EML3: variants seen among roughly 807,000 people sequenced by gnomAD.
EML3 encodes the protein EMAP like 3.
In EML3, 53 loss-of-function variants were observed where a neutral mutation model predicts 106.7. That is an observed-to-expected ratio of 0.50 (90% CI 0.40 to 0.62). The LOEUF is 0.62. Among genes scored for constraint, EML3 ranks in the 20% least tolerant of loss-of-function variants. The probability of loss-of-function intolerance (pLI) is 0.00; values close to 1 mark genes in which losing one functional copy is unlikely to be tolerated. For synonymous variants in EML3, 499 were observed against 489.6 expected (o/e 1.02, Z -0.25); for missense variants, 994 against 1,209.1 (o/e 0.82, Z 2.64).
chr11:62,611,647 C>T, intron 1 of EML3, 51 bp from the exon 2 acceptor site: 1 of 1,555,496 alleles, frequency 6.4e-7, no homozygotes, highest in Non-Finnish European at 8.7e-7. Context: ...CTGAAGAAAG[C>T]GTAGAGGGGA....
rs1942553448 is a variant in EML3 at position 62,606,953 on chromosome 11, C to T, written c.1504+5G>A. On this transcript the variant is annotated splice_donor_5th_base_variant and intron_variant, in intron 12 of 21. Transcript: ENST00000394773. ...ACTTCCCAGATGCCCCTCCCAGCCA[C>T]ATACCTTTGGCGCCACCCCTGCCTG... 1.9e-6 allele frequency: 3 copies of T among 1,613,230 alleles called. No homozygotes were observed. Among genetic ancestry groups the T allele is most frequent in the Non-Finnish European group, 1.7e-6 (2 of 1,179,582 alleles).
rs983104047 is a variant in EML3, at chr11:62,612,660, C to G, written c.-203G>C. The G allele has an allele frequency of 3.1e-5, 13 of 414,478 alleles. No homozygotes were observed. The highest frequency in any genetic ancestry group is 5.3e-5 in the Non-Finnish European group (13 of 243,652). The allele number at this position is 414,478 out of a possible 1,614,324, so 25.7% of individuals were successfully genotyped here. On this transcript the variant is annotated 5_prime_UTR_variant, in exon 1 of 22. Coordinates refer to ENST00000394773, the MANE Select transcript of EML3 (RefSeq NM_153265.3). The stretch of plus-strand genomic sequence containing the variant: ...CGGGGCCGCAGTCTCCAGACCCCCC[C>G]GGGCCCTCGGACTCTCCCGGGGCCG...
Position 62,606,964 on chromosome 11 carries a change from C to T in EML3, c.1498G>A (p.Ala500Thr), listed in dbSNP as rs368236432. The change falls in exon 12 of 22, where the codon GCC (alanine) becomes ACC (threonine). Residue 500 changes from alanine to threonine, a missense_variant. By Grantham distance (58) the Ala-to-Thr change is moderately conservative (BLOSUM62 0). Coordinates refer to ENST00000394773, the MANE Select transcript of EML3 (RefSeq NM_153265.3). ...GCCCCTCCCAGCCACATACCTTTGGCGCCACCCCTGCCTGGGGTCTTGGAA... is the reference window on the plus strand; with the variant it reads ...GCCCCTCCCAGCCACATACCTTTGGTGCCACCCCTGCCTGGGGTCTTGGAA... Reference protein sequence around the residue: ...SDSKTPGRGGAKETYGIVAQA... With the variant: ...SDSKTPGRGGTKETYGIVAQA... The T allele has an allele frequency of 1.9e-6, 3 of 1,613,500 alleles. No homozygotes were observed. The highest frequency in any genetic ancestry group is 2.2e-5 in the East Asian group (1 of 44,850).
At chr11:62,607,184 A>C in intron 11 of EML3, 85 bp from the exon 12 acceptor site, 1,236 of 1,517,804 alleles carry the variant, frequency 8.1e-4, no homozygotes, top group Non-Finnish European at 1.0e-3. Context: ...GCAGTGGCTC[A>C]TGCCTGTAAT....
chr11:62,608,347 G>T (rs1590753798), intron 9 of EML3, 51 bp from the exon 10 acceptor site: 2 of 1,554,862 alleles, frequency 1.3e-6, no homozygotes, highest in East Asian at 4.5e-5. Flanking sequence ...GGAGGTCCAG[G>T]GGTTCATGGT....
In EML3 at chr11:62,610,951, C is replaced by G. The variant is rs151041655; in HGVS notation, c.494G>C (p.Arg165Pro). 1 of 1,613,634 alleles carries G rather than the reference C, an allele frequency of 6.2e-7. No homozygotes were observed. The highest frequency in any genetic ancestry group is 1.1e-5 in the South Asian group (1 of 91,072). Residue 165 changes from arginine (R) to proline (P), a missense_variant, in exon 4 of 22, where the codon CGG becomes CCG. Arg to Pro is a moderately radical substitution (Grantham distance 103). Transcript: ENST00000394773. ...NSSSSSSPSE[R>P]PRQKLSRKAI... ...CTTCCTGGAGAGCTTCTGCCGAGGC[C>G]GCTCTGAGGGGGATGAGGAGGAGGA...
Position 62,602,518 on chromosome 11 carries a change from G to A in EML3, c.2648C>T (p.Ser883Phe). The A allele has an allele frequency of 6.6e-7, 1 of 1,513,228 alleles. No individual in the cohort carries two copies. Among genetic ancestry groups the A allele is most frequent in the Non-Finnish European group, 8.9e-7 (1 of 1,129,458 alleles). The allele number at this position is 1,513,228 out of a possible 1,614,324, so 93.7% of individuals were successfully genotyped here. A position where few individuals can be genotyped will look rare whatever the true frequency, so the allele number is the denominator to read the frequency against. The change falls in exon 22 of 22, where the codon TCT becomes TTT. Residue 883 changes from serine (S) to phenylalanine (F), a missense_variant. Physicochemically the swap from Ser to Phe is radical, Grantham distance 155 (BLOSUM62 -2). This residue lies in a region of EML3 where 713 missense variants were observed against 920.5 expected (regional missense o/e 0.77). Coordinates refer to ENST00000394773, the MANE Select transcript of EML3 (RefSeq NM_153265.3). ...GGAGPAPATP[S>F]RTPSLSPASS... ...GGCGGGGGACAGGGAGGGGGTTCGAGAGGGCGTGGCGGGCGCCGGCCCCGC... is the reference window on the plus strand; with the variant it reads ...GGCGGGGGACAGGGAGGGGGTTCGAAAGGGCGTGGCGGGCGCCGGCCCCGC...
rs1565053810 is a variant in EML3 at position 62,603,995 on chromosome 11, G to A, written c.2118C>T (p.Ile706=). ...AIGSHDNVIY[I]YSVSSDGAKS... ...TGGCACCATCACTGGAAACACTATA[G>A]ATGTAGATCACGTTGTCATGGGAAC... is the stretch of plus-strand genomic sequence containing the variant. The change falls in exon 18 of 22, where the codon ATC becomes ATT. Residue 706 remains isoleucine, a synonymous_variant. Transcript: ENST00000394773. 1 of 1,614,114 alleles carries A rather than the reference G, an allele frequency of 6.2e-7. No homozygotes were observed. The highest frequency in any genetic ancestry group is 8.5e-7 in the Non-Finnish European group (1 of 1,180,038).
In EML3 at chr11:62,602,312, T is replaced by C; in HGVS notation, c.*163A>G. 2 of 1,550,592 alleles carry C rather than the reference T, an allele frequency of 1.3e-6. No homozygotes were observed. Among genetic ancestry groups the C allele is most frequent in the South Asian group, 2.4e-5 (2 of 84,062 alleles). Reference sequence around the variant, plus strand: ...GCTCAGCCAGCGGGTCTAAACAGTGTGTGCAGGGGCGCCGTTCGCGCCCTC... The same window carrying C: ...GCTCAGCCAGCGGGTCTAAACAGTGCGTGCAGGGGCGCCGTTCGCGCCCTC... On this transcript the variant is annotated 3_prime_UTR_variant, in exon 22 of 22. Transcript: ENST00000394773.
chr11:62,611,204 GC>G lies in EML3; in HGVS notation c.334del (p.Ala112ProfsTer70). The G allele has an allele frequency of 1.9e-6, 3 of 1,610,300 alleles. No homozygotes were observed. ...LSNGPPAPQG[A>X]SEEPSGTQSE... ...TTGGGTCCCGCTAGGCTCTTCGCTG[GC>G]CCCCTGAGGGGCTGGGGGTCCATTG... On this transcript the variant is annotated frameshift_variant, in exon 3 of 22. Transcript: ENST00000394773. LOFTEE classifies it high-confidence loss of function.
Position 62,607,726 on chromosome 11 carries a change from C to G in EML3, c.1302G>C (p.Trp434Cys). The G allele has an allele frequency of 1.2e-6, 2 of 1,614,100 alleles. No homozygotes were observed. The highest frequency in any genetic ancestry group is 1.7e-6 in the Non-Finnish European group (2 of 1,180,008). ...SGKSHVHFWN[W>C]SGGVGVPGNG... ...TCCCAGGAACCCCTACTCCACCACT[C>G]CAATTCCAGAAGTGGACGTGAGATT... Residue 434 changes from tryptophan to cysteine, a missense_variant, in exon 11 of 22, where the codon TGG becomes TGC. Around this residue, in one of 3 missense-constraint regions of EML3, gnomAD observed 713 missense variants for 920.5 expected, o/e 0.77. Transcript: ENST00000394773.
intron 11 of EML3, chr11:62,607,303 A>G (rs1942579137): frequency 1.9e-6 from 1 of 531,430 alleles, no homozygotes; most frequent in Non-Finnish European, 3.2e-6. Context: ...TGGGTGATAG[A>G]GCAAGGCACT....
intron 11 of EML3, chr11:62,607,305 C>G: frequency 2.0e-6 from 1 of 488,454 alleles, no homozygotes; most frequent in Non-Finnish European, 3.5e-6. Flanking sequence ...GGTGATAGAG[C>G]AAGGCACTGT....
rs183273900 is a variant in EML3, at chr11:62,603,253, G to C, written c.2258-6C>G. 3 of 1,612,932 alleles carry C rather than the reference G, an allele frequency of 1.9e-6. No individual in the cohort carries two copies. The highest frequency in any genetic ancestry group is 2.5e-6 in the Non-Finnish European group (3 of 1,179,928). On this transcript the variant is annotated splice_polypyrimidine_tract_variant and splice_region_variant and intron_variant, in intron 19 of 21. Coordinates refer to ENST00000394773, the MANE Select transcript of EML3 (RefSeq NM_153265.3). ...GCAGCCTCCAGCCACGTCCCCTGGG[G>C]AGAGGGAGCCCGCCCAGCTCAGCTC...
chr11:62,610,850 G>C (rs900188360), intron 4 of EML3, 29 bp downstream of exon 4: 2 of 1,552,798 alleles, frequency 1.3e-6, no homozygotes, highest in Non-Finnish European at 1.7e-6. Flanking sequence ...CGCCTGGGGC[G>C]GGGTGGGTTG....
Position 62,605,481 on chromosome 11 carries a change from C to T in EML3, c.1914+161G>A. 1 of 1,070,196 alleles carries T rather than the reference C, an allele frequency of 9.3e-7. No individual in the cohort carries two copies. The highest frequency in any genetic ancestry group is 1.3e-6 in the Non-Finnish European group (1 of 763,326). 66.3% of individuals were successfully genotyped at this position (1,070,196 alleles called of 1,614,324 possible). On this transcript the variant is annotated intron_variant, in intron 15 of 21. Coordinates refer to ENST00000394773, the MANE Select transcript of EML3 (RefSeq NM_153265.3). The surrounding 1 kb of genome is among the most constrained non-coding windows in gnomAD (Gnocchi z 5.2). ...GTGGTACTAGAAGCATCAGCTTTTA[C>T]CAGTCAGTACAGAAAAATTAATATT...
chr11:62,606,945 C>T lies in EML3; in HGVS notation c.1504+13G>A. 1 of 1,612,580 alleles carries T rather than the reference C, an allele frequency of 6.2e-7. No homozygotes were observed. The highest frequency in any genetic ancestry group is 1.1e-5 in the South Asian group (1 of 90,954). ...AGTACTACACTTCCCAGATGCCCCTCCCAGCCACATACCTTTGGCGCCACC... is the reference window on the plus strand; with the variant it reads ...AGTACTACACTTCCCAGATGCCCCTTCCAGCCACATACCTTTGGCGCCACC... On this transcript the variant is annotated intron_variant, in intron 12 of 21. Transcript: ENST00000394773.
intron 19 of EML3, 37 bp downstream of exon 19, chr11:62,603,692 T>C (rs1189117986): frequency 3.8e-6 from 6 of 1,586,762 alleles, no homozygotes; most frequent in Non-Finnish European, 5.2e-6. Context: ...CCCACTCCAA[T>C]TACCCTCTCC....
chr11:62,611,464 G>C lies in EML3; in HGVS notation c.155C>G (p.Ser52Cys). The change falls in exon 2 of 22, where the codon TCC becomes TGC. Residue 52 changes from serine to cysteine, a missense_variant. Around this residue, in one of 3 missense-constraint regions of EML3, gnomAD observed 269 missense variants for 265.1 expected, o/e 1.01. Transcript: ENST00000394773. ...RLLRLQVPPS[S>C]LQGSGTPAPP... ...AGCTGGTGTGCCAGAGCCCTGCAGG[G>C]AGGAAGGGGGCACCTGCAGCCGCAG... is the stretch of plus-strand genomic sequence containing the variant. 6.2e-7 allele frequency: 1 copy of C among 1,613,866 alleles called. No individual in the cohort carries two copies. Among genetic ancestry groups the C allele is most frequent in the Non-Finnish European group, 8.5e-7 (1 of 1,179,934 alleles).
Sources: allele counts gnomAD v4.1 joint callset, GRCh38; gene constraint gnomAD v4.1.1; regional missense constraint gnomAD v4.1.1; non-coding constraint Gnocchi (gnomAD v3.1); transcripts MANE v1.5; gene names NCBI Gene and HGNC (gene_info 2026-07-23, HGNC 2026-07-21).